Variants in ADAMTS20 observed in about 807,000 individuals in gnomAD.
ADAMTS20 encodes the protein A disintegrin and metalloproteinase with thrombospondin motifs 20.
In ADAMTS20, 225 loss-of-function variants were observed where a neutral mutation model predicts 260.1. The observed-to-expected ratio is 0.87, with a 90% CI of 0.78 to 0.97. The LOEUF is 0.97. ADAMTS20 is among the 50% of genes least tolerant of loss of function. The pLI is 0.00. For missense variants in ADAMTS20, 2,400 were observed against 2,337.7 expected (o/e 1.03, Z -0.55); for synonymous variants, 802 against 769.5 (o/e 1.04, Z -0.70).
chr12:43,353,547 A>T (rs549995559), downstream of ADAMTS20, among the ~76,000 whole-genome samples: 1 of 152,084 alleles, frequency 6.6e-6, no homozygotes, highest in Non-Finnish European at 1.5e-5. Context: ...TACCCACAAA[A>T]TTTTTTATTT....
intron 18 of ADAMTS20, among the ~76,000 whole-genome samples, 182 bp downstream of exon 18, chr12:43,439,440 A>G (rs1488505813): frequency 1.3e-5 from 2 of 152,252 alleles, no homozygotes; most frequent in African/African-American, 4.8e-5. Flanking sequence ...TGTTAAGTAT[A>G]AGAAACAGAA....
intron 3 of ADAMTS20, among the ~76,000 whole-genome samples, chr12:43,528,332 C>T (rs1297140311): frequency 2.3e-5 from 2 of 87,864 alleles, no homozygotes; most frequent in East Asian, 8.5e-4. Context: ...AGACCAACAG[C>T]CAAGGCAATC....
intron 28 of ADAMTS20, among the ~76,000 whole-genome samples, chr12:43,417,265 G>C (rs1941150472): frequency 6.6e-6 from 1 of 152,122 alleles, no homozygotes; most frequent in Non-Finnish European, 1.5e-5. Flanking sequence ...CTGTCTAATA[G>C]GATCACTTTT....
chr12:43,430,569 A>C, intron 22 of ADAMTS20, 98 bp from the exon 23 acceptor site: 1 of 1,143,388 alleles, frequency 8.7e-7, no homozygotes, highest in Non-Finnish European at 1.2e-6. Context: ...TATACTTTTA[A>C]TAATCTTTTT....
chr12:43,509,070 T>G (rs1359068563), intron 3 of ADAMTS20, among the ~76,000 whole-genome samples: 1 of 152,212 alleles, frequency 6.6e-6, no homozygotes, highest in Non-Finnish European at 1.5e-5. Flanking sequence ...CCTATGTTCC[T>G]GCAAAGGACA....
At chr12:43,355,696 T>A (rs184244985) in intron 38 of ADAMTS20, among the ~76,000 whole-genome samples, 88 of 152,154 alleles carry the variant, frequency 5.8e-4, no homozygotes, top group African/African-American at 2.0e-3. Flanking sequence ...ATAACCTAGA[T>A]CCAGATTTAC....
At chr12:43,499,078 T>A (rs1942717779) in intron 4 of ADAMTS20, among the ~76,000 whole-genome samples, 2 of 152,106 alleles carry the variant, frequency 1.3e-5, no homozygotes, top group Admixed American at 1.3e-4. Flanking sequence ...TTGGGCTTCT[T>A]AGGAAGAAAG....
At chr12:43,418,334 G>A (rs992095519) in intron 28 of ADAMTS20, among the ~76,000 whole-genome samples, 4 of 151,968 alleles carry the variant, frequency 2.6e-5, no homozygotes, top group Admixed American at 2.6e-4. Context: ...TTTTTGAGAC[G>A]GAGCCTCATT....
In ADAMTS20 at chr12:43,522,266, T is replaced by C. The variant is rs566686830; in HGVS notation, c.613+9770A>G. ...ACACTTAGAAAACCATCAGTTCTCA[T>C]GAGACCCACTCATTATCATGAGAAC... On this transcript the variant is annotated intron_variant, in intron 3 of 38. Transcript: ENST00000389420. Among the ~76,000 whole-genome samples, 15 of 152,252 alleles carry C rather than the reference T, an allele frequency of 9.9e-5. No homozygotes were observed. The East Asian group carries it at 2.9e-3, about 29-fold the overall frequency.
rs199562890 is a variant in ADAMTS20, at chr12:43,383,794, C to T, written c.4626+10G>A. 1,176 of 1,613,202 alleles carry T rather than the reference C, an allele frequency of 7.3e-4. No individual in the cohort carries two copies. Among genetic ancestry groups the T allele is most frequent in the Non-Finnish European group, 9.4e-4 (1,110 of 1,179,542 alleles). The stretch of plus-strand genomic sequence containing the variant: ...GCAGTGTCTTTGAAAATTTACATGT[C>T]GATACTCACATTCAGCCTCCCTCTT... On this transcript the variant is annotated intron_variant, in intron 30 of 38. Transcript: ENST00000389420.
intron 4 of ADAMTS20, among the ~76,000 whole-genome samples, chr12:43,501,481 G>GCACACACACACACACACA (rs3036317): frequency 0.072 from 8,457 of 117,274 alleles, 510 homozygotes; most frequent in East Asian, 0.3. Flanking sequence ...GCGCGCGCGC[G>GCACACACACACACACACA]CACACACACA....
chr12:43,529,423 G>C (rs751120836), intron 3 of ADAMTS20, among the ~76,000 whole-genome samples: 8 of 152,062 alleles, frequency 5.3e-5, no homozygotes, highest in Non-Finnish European at 1.2e-4. Flanking sequence ...TAACCAACAA[G>C]TGGATAAAGA....
intron 28 of ADAMTS20, among the ~76,000 whole-genome samples, chr12:43,402,200 A>G (rs1487170317): frequency 6.6e-6 from 1 of 152,030 alleles, no homozygotes; most frequent in Non-Finnish European, 1.5e-5. Context: ...TGGCATGTGT[A>G]ATAACTATCA....
chr12:43,475,694 C>T (rs377307723), intron 7 of ADAMTS20, among the ~76,000 whole-genome samples: 8 of 149,184 alleles, frequency 5.4e-5, no homozygotes, highest in African/African-American at 2.0e-4. Flanking sequence ...ACGCCGCATA[C>T]CTACAACTAT....
At chr12:43,547,018 G>A (rs1471455544) in intron 2 of ADAMTS20, among the ~76,000 whole-genome samples, 1 of 152,068 alleles carries the variant, frequency 6.6e-6, no homozygotes, top group Non-Finnish European at 1.5e-5. Flanking sequence ...TACTAGTTAT[G>A]GTTCAGAGAA....
chr12:43,388,448 C>T (rs556320699), intron 29 of ADAMTS20, among the ~76,000 whole-genome samples: 2 of 152,340 alleles, frequency 1.3e-5, no homozygotes, highest in African/African-American at 4.8e-5. Context: ...CTAGAAGCTG[C>T]AGACAGGAAC....
intron 7 of ADAMTS20, among the ~76,000 whole-genome samples, chr12:43,479,183 A>T (rs926738440): frequency 1.3e-5 from 2 of 152,226 alleles, no homozygotes; most frequent in Admixed American, 1.3e-4. Context: ...ACACAGTTGT[A>T]AAAGGTTCTA....
intron 3 of ADAMTS20, among the ~76,000 whole-genome samples, chr12:43,517,812 C>T (rs1030743277): frequency 4.6e-5 from 7 of 152,036 alleles, no homozygotes; most frequent in African/African-American, 1.4e-4. Flanking sequence ...AACAGTATGA[C>T]ATTGGCACAA....
At chr12:43,435,154 CTAATG>C (rs1373572151) in intron 18 of ADAMTS20, among the ~76,000 whole-genome samples, 1 of 152,154 alleles carries the variant, frequency 6.6e-6, no homozygotes, top group Non-Finnish European at 1.5e-5. Flanking sequence ...ATAGTAAACT[CTAATG>C]TAAACTATGG....
Sources: allele counts gnomAD v4.1 joint callset (sites outside exome capture counted in the v4.1 genomes callset), GRCh38; gene constraint gnomAD v4.1.1; transcripts MANE v1.5; gene names NCBI Gene and HGNC (gene_info 2026-07-23, HGNC 2026-07-21).